The following TUNAR variants were observed in gnomAD, a reference collection of about 807,000 sequenced individuals.
TUNAR encodes transmembrane neural differentiation associated intracellular calcium regulator.
At chr14:95,891,073 A>G (rs1028957222) in intron 2 of TUNAR, among the ~76,000 whole-genome samples, 4 of 152,284 alleles carry the variant, frequency 2.6e-5, no homozygotes, top group African/African-American at 9.6e-5. Context: ...ATTTAGAAAG[A>G]TAGCCCTTCG....
At chr14:95,896,795 G>T (rs1427164204) in intron 2 of TUNAR, among the ~76,000 whole-genome samples, 1 of 152,224 alleles carries the variant, frequency 6.6e-6, no homozygotes, top group Non-Finnish European at 1.5e-5. Context: ...AGAGTACTCT[G>T]CAGTTTGCAG....
intron 2 of TUNAR, among the ~76,000 whole-genome samples, chr14:95,917,995 G>T (rs958134061): frequency 1.5e-4 from 23 of 152,226 alleles, no homozygotes; most frequent in African/African-American, 5.3e-4. Flanking sequence ...CTGGCAGGAA[G>T]AAATGAGTAA....
intron 2 of TUNAR, among the ~76,000 whole-genome samples, chr14:95,882,098 C>T (rs56253193): frequency 0.019 from 2,948 of 152,276 alleles, 115 homozygotes; most frequent in African/African-American, 0.065. Context: ...TATGCTTCAT[C>T]TACAATCTTT....
At chr14:95,889,717 CT>C (rs1014889179) in intron 2 of TUNAR, among the ~76,000 whole-genome samples, 15 of 152,162 alleles carry the variant, frequency 9.9e-5, no homozygotes, top group African/African-American at 3.4e-4. Context: ...GCCGTCACCC[CT>C]GTCTGGCTTC....
chr14:95,897,476 C>T (rs1286885304), intron 2 of TUNAR, among the ~76,000 whole-genome samples: 1 of 152,220 alleles, frequency 6.6e-6, no homozygotes, highest in African/African-American at 2.4e-5. Context: ...AGCTTCGGTG[C>T]CACCCACCTG....
chr14:95,885,599 G>A (rs1889063822), intron 2 of TUNAR, among the ~76,000 whole-genome samples: 1 of 152,180 alleles, frequency 6.6e-6, no homozygotes. Context: ...AGGGTACTGT[G>A]TTATAGGTCT....
At position 95,877,074 on chromosome 14, in the gene TUNAR, C is replaced by G. The variant is rs150973971; in HGVS notation, c.-92C>G. Reference sequence around the variant, plus strand: ...AGCCGGCGGCAGCCTCCTTTTTTTCCTTCTCCTCGCCTTCCTGCGGCTCCG... The same window carrying G: ...AGCCGGCGGCAGCCTCCTTTTTTTCGTTCTCCTCGCCTTCCTGCGGCTCCG... On this transcript the variant is annotated 5_prime_UTR_variant, in exon 2 of 3. Transcript: ENST00000678517. 6.1e-3 allele frequency: 931 copies of G among 152,312 alleles called. 5 individuals are homozygous for G. The highest frequency in any genetic ancestry group is 9.7e-3 in the Non-Finnish European group (662 of 68,074). 9.4% of individuals were successfully genotyped at this position (152,312 alleles called of 1,614,324 possible).
At chr14:95,888,051 GTTC>G (rs1356577545) in intron 2 of TUNAR, among the ~76,000 whole-genome samples, 1 of 152,238 alleles carries the variant, frequency 6.6e-6, no homozygotes, top group Non-Finnish European at 1.5e-5. Flanking sequence ...ATTTGAAGCT[GTTC>G]TTCGAGTCAG....
At chr14:95,916,434 C>T (rs1485087920) in intron 2 of TUNAR, among the ~76,000 whole-genome samples, 2 of 152,204 alleles carry the variant, frequency 1.3e-5, no homozygotes, top group Non-Finnish European at 2.9e-5. Flanking sequence ...GCAATTCATC[C>T]ATGCGATGGC....
Position 95,914,718 on chromosome 14 carries a change from A to G in TUNAR, c.13-8063A>G, listed in dbSNP as rs1205851170. Among the ~76,000 whole-genome samples, 7 of 152,324 alleles carry G rather than the reference A, an allele frequency of 4.6e-5. No individual in the cohort carries two copies. In the East Asian group the frequency reaches 1.2e-3, roughly 25 times the overall value. On this transcript the variant is annotated intron_variant, in intron 2 of 2. Transcript: ENST00000678517. The stretch of plus-strand genomic sequence containing the variant: ...CACTTAATCATAGTGGCTGCCATTC[A>G]TCAAGCTAGGAGACTTAGAACTAAT...
At chr14:95,884,190 C>G (rs765461330) in intron 2 of TUNAR, among the ~76,000 whole-genome samples, 3 of 152,146 alleles carry the variant, frequency 2.0e-5, no homozygotes, top group Non-Finnish European at 4.4e-5. Context: ...TAAAGGATCT[C>G]ATTTCTCCTT....
At chr14:95,916,342 CCT>C (rs1405927503) in intron 2 of TUNAR, among the ~76,000 whole-genome samples, 2 of 152,108 alleles carry the variant, frequency 1.3e-5, no homozygotes, top group African/African-American at 2.4e-5. Flanking sequence ...TTAGAATCTC[CCT>C]GTTTCTGAAC....
At chr14:95,906,445 C>A (rs749769010) in intron 2 of TUNAR, among the ~76,000 whole-genome samples, 1 of 152,166 alleles carries the variant, frequency 6.6e-6, no homozygotes, top group Non-Finnish European at 1.5e-5. Flanking sequence ...GCAAGAAACT[C>A]AGCTTTTGTT....
At chr14:95,913,095 A>G (rs1595124755) in intron 2 of TUNAR, among the ~76,000 whole-genome samples, 1 of 136,486 alleles carries the variant, frequency 7.3e-6, no homozygotes, top group Non-Finnish European at 1.5e-5. Context: ...CTAGCCGGGC[A>G]TCTTTTTTTT....
intron 2 of TUNAR, among the ~76,000 whole-genome samples, chr14:95,907,729 C>A (rs1438581887): frequency 6.6e-6 from 1 of 152,194 alleles, no homozygotes; most frequent in Non-Finnish European, 1.5e-5. Flanking sequence ...GAGTGAGTGG[C>A]TTCTTTATGC....
At chr14:95,885,576 G>A (rs1349904885) in intron 2 of TUNAR, among the ~76,000 whole-genome samples, 1 of 152,168 alleles carries the variant, frequency 6.6e-6, no homozygotes, top group Non-Finnish European at 1.5e-5. Flanking sequence ...ACAGAGGCCT[G>A]TTTATTGGGG....
At chr14:95,901,965 T>A (rs1002614248) in intron 2 of TUNAR, among the ~76,000 whole-genome samples, 1 of 152,112 alleles carries the variant, frequency 6.6e-6, no homozygotes, top group Non-Finnish European at 1.5e-5. Context: ...CAAAGTGTGT[T>A]CCAGTAGAGG....
exon 3 of TUNAR, chr14:95,925,325 G>C (rs1475359830): frequency 6.6e-6 from 1 of 152,224 alleles, no homozygotes; most frequent in Non-Finnish European, 1.5e-5. Context: ...GAGGTGGAGA[G>C]GAGAGAAAGC....
chr14:95,893,637 A>G (rs1198790184), intron 2 of TUNAR, among the ~76,000 whole-genome samples: 1 of 152,142 alleles, frequency 6.6e-6, no homozygotes, highest in African/African-American at 2.4e-5. Context: ...CATTTAACAA[A>G]AATAGACAAG....
Sources: allele counts gnomAD v4.1 joint callset (sites outside exome capture counted in the v4.1 genomes callset), GRCh38; gene constraint gnomAD v4.1.1; transcripts MANE v1.5; gene names NCBI Gene and HGNC (gene_info 2026-07-23, HGNC 2026-07-21).